Variants in DGKI observed in about 807,000 individuals in gnomAD.
DGKI encodes diacylglycerol kinase iota.
In DGKI, 55 loss-of-function variants were observed where a neutral mutation model predicts 147.5. The ratio of observed to expected loss-of-function variants is 0.37; its 90% CI spans 0.30 to 0.47. DGKI has a LOEUF of 0.47. DGKI is among the 20% of genes least tolerant of loss of function. The pLI is 1.00. For synonymous variants in DGKI, 469 were observed against 477.1 expected, an observed-to-expected ratio of 0.98 and a Z score of 0.22; for missense variants, 1,007 against 1,323.8, an observed-to-expected ratio of 0.76 and a Z score of 3.71.
At chr7:137,828,843 ATAT>A (rs1232135917) in intron 1 of DGKI, among the ~76,000 whole-genome samples, 26 of 152,342 alleles carry the variant, frequency 1.7e-4, no homozygotes, top group African/African-American at 6.0e-4. Context: ...TTTACAATAA[ATAT>A]TTATTTAACA....
rs753909111 is a variant in DGKI, at chr7:137,421,903, G to A, written c.2762-9696C>T. 7.2e-5 allele frequency among the ~76,000 whole-genome samples: 11 copies of A among 152,116 alleles called. No homozygotes were observed. The South Asian group carries it at 1.0e-3, about 14-fold the overall frequency. On this transcript the variant is annotated intron_variant, in intron 28 of 32. Coordinates refer to ENST00000614521, the MANE Select transcript of DGKI (RefSeq NM_001321708.2). Reference sequence around the variant, plus strand: ...ATCTGGATTGAGGAAGACATTCTAGGGAGTGGAAGAAAGCTCACCTTACTG... The same window carrying A: ...ATCTGGATTGAGGAAGACATTCTAGAGAGTGGAAGAAAGCTCACCTTACTG...
chr7:137,502,728 A>G (rs1350011566), intron 21 of DGKI, among the ~76,000 whole-genome samples: 1 of 152,166 alleles, frequency 6.6e-6, no homozygotes, highest in African/African-American at 2.4e-5. Context: ...CCTAAATATT[A>G]CAACCACTAA....
intron 28 of DGKI, among the ~76,000 whole-genome samples, chr7:137,427,676 A>G (rs1812875091): frequency 6.6e-6 from 1 of 151,696 alleles, no homozygotes; most frequent in South Asian, 2.1e-4. Flanking sequence ...AGAAAAAAAG[A>G]GAGAAGAATC....
intron 30 of DGKI, among the ~76,000 whole-genome samples, chr7:137,398,820 A>G (rs370685295): frequency 7.2e-5 from 11 of 151,994 alleles, no homozygotes; most frequent in South Asian, 4.1e-4. Flanking sequence ...CCTAACCAGT[A>G]TCTGCCTGGA....
chr7:137,467,571 G>C (rs1445300212), intron 24 of DGKI, among the ~76,000 whole-genome samples: 1 of 152,156 alleles, frequency 6.6e-6, no homozygotes, highest in Non-Finnish European at 1.5e-5. Flanking sequence ...TGCATCCTTA[G>C]AGTCATGTCT....
At position 137,832,252 on chromosome 7, in the gene DGKI, G is replaced by C. The variant is rs540236793; in HGVS notation, c.401+14210C>G. Among the ~76,000 whole-genome samples the C allele has an allele frequency of 1.4e-4, 22 of 152,332 alleles. No individual in the cohort carries two copies. In the South Asian group the frequency reaches 4.4e-3, roughly 30 times the overall value. ...TGGTGCCCCAGGAGGGACTCTGAGT[G>C]GGGGCTCTAACCTCACATTTCCCTT... On this transcript the variant is annotated intron_variant, in intron 1 of 32. Transcript: ENST00000614521.
At chr7:137,476,527 T>C (rs772202971) in intron 23 of DGKI, among the ~76,000 whole-genome samples, 1 of 152,162 alleles carries the variant, frequency 6.6e-6, no homozygotes, top group Admixed American at 6.6e-5. Context: ...AGTGTTCAAG[T>C]CTCACATAGT....
intron 1 of DGKI, among the ~76,000 whole-genome samples, chr7:137,741,710 C>T (rs945173815): frequency 9.2e-5 from 14 of 152,170 alleles, no homozygotes; most frequent in Non-Finnish European, 1.6e-4. Context: ...AATGACAGTA[C>T]CTCATGGGCA....
At chr7:137,620,856 G>A (rs1820723764) in intron 7 of DGKI, among the ~76,000 whole-genome samples, 1 of 152,010 alleles carries the variant, frequency 6.6e-6, no homozygotes, top group Non-Finnish European at 1.5e-5. Flanking sequence ...AATAATTATA[G>A]GCCTTAAATT....
chr7:137,632,156 C>T (rs1027061209), intron 6 of DGKI, among the ~76,000 whole-genome samples: 3 of 152,234 alleles, frequency 2.0e-5, no homozygotes, highest in African/African-American at 7.2e-5. Context: ...CATAGCATGA[C>T]ATCCCTACAA....
chr7:137,599,944 GA>G (rs1300074857), intron 10 of DGKI, 39 bp from the exon 11 acceptor site: 1 of 1,522,278 alleles, frequency 6.6e-7, no homozygotes, highest in African/African-American at 1.4e-5. Flanking sequence ...ATAATAGGAA[GA>G]AATTTCCCAA....
At chr7:137,466,445 G>T (rs763065847) in intron 25 of DGKI, among the ~76,000 whole-genome samples, 4 of 151,948 alleles carry the variant, frequency 2.6e-5, no homozygotes, top group Non-Finnish European at 5.9e-5. Context: ...TCTCCTAGGA[G>T]AATTCAGATA....
At chr7:137,413,901 C>T (rs2128902297) in intron 28 of DGKI, among the ~76,000 whole-genome samples, 1 of 152,312 alleles carries the variant, frequency 6.6e-6, no homozygotes, top group East Asian at 1.9e-4. Context: ...TTTCTAACAA[C>T]AGTGTATAAG....
intron 19 of DGKI, among the ~76,000 whole-genome samples, chr7:137,553,636 GCACA>G (rs750327772): frequency 2.6e-5 from 4 of 151,908 alleles, no homozygotes; most frequent in Non-Finnish European, 5.9e-5. Context: ...CATACATAGA[GCACA>G]CAAATTTTAT....
intron 3 of DGKI, among the ~76,000 whole-genome samples, chr7:137,674,517 C>T (rs750989074): frequency 1.3e-5 from 2 of 152,186 alleles, no homozygotes; most frequent in Non-Finnish European, 1.5e-5. Context: ...GCCACTTTCA[C>T]CCTCAAAAGT....
At chr7:137,650,901 GA>G (rs1474943156) in intron 5 of DGKI, among the ~76,000 whole-genome samples, 2 of 152,178 alleles carry the variant, frequency 1.3e-5, no homozygotes, top group Non-Finnish European at 2.9e-5. Context: ...GTACAGCAGT[GA>G]AATACACAAA....
rs1821791929 is a variant in DGKI at position 137,645,458 on chromosome 7, G to A, written c.804+14C>T. On this transcript the variant is annotated intron_variant, in intron 6 of 32. Coordinates refer to ENST00000614521, the MANE Select transcript of DGKI (RefSeq NM_001321708.2). ...GGAGCCTCCTGCGAGGCCATGAGGT[G>A]GCTGGGCTCTTACCTTACCACACTG... 1 of 1,612,030 alleles carries A rather than the reference G, an allele frequency of 6.2e-7. No homozygotes were observed. The highest frequency in any genetic ancestry group is 8.5e-7 in the Non-Finnish European group (1 of 1,178,846).
intron 19 of DGKI, among the ~76,000 whole-genome samples, chr7:137,568,934 C>T (rs1171728429): frequency 2.0e-5 from 3 of 150,208 alleles, no homozygotes; most frequent in Non-Finnish European, 4.4e-5. Flanking sequence ...AAAAAAACAC[C>T]CATACCAGAA....
chr7:137,819,928 C>T (rs1797850057), intron 1 of DGKI, among the ~76,000 whole-genome samples: 1 of 152,232 alleles, frequency 6.6e-6, no homozygotes, highest in African/African-American at 2.4e-5. Context: ...AATGTCACTA[C>T]CGCTGTAGGG....
Sources: allele counts gnomAD v4.1 joint callset (sites outside exome capture counted in the v4.1 genomes callset), GRCh38; gene constraint gnomAD v4.1.1; transcripts MANE v1.5; gene names NCBI Gene and HGNC (gene_info 2026-07-23, HGNC 2026-07-21).